NMRAL1: variants seen among roughly 807,000 people sequenced by gnomAD.
NMRAL1 encodes nmrA-like family domain-containing protein 1.
NMRAL1 carries 32 observed loss-of-function variants against 27.5 expected under a neutral mutation model. The ratio of observed to expected loss-of-function variants is 1.16; its 90% CI spans 0.88 to 1.56. The LOEUF (loss-of-function observed/expected upper bound fraction) is 1.56, where lower values mean the gene tolerates loss of function less well. Ranked by LOEUF, NMRAL1 falls within the 40% of genes most tolerant of loss-of-function variation. The probability of loss-of-function intolerance (pLI) is 0.00; values close to 1 mark genes in which losing one functional copy is unlikely to be tolerated. For synonymous variants in NMRAL1, 166 were observed against 166.8 expected (o/e 1.00, Z 0.04); for missense variants, 420 against 392.0 (o/e 1.07, Z -0.60).
At chr16:4,472,357 G>T (rs1413452889) in intron 2 of NMRAL1, among the ~76,000 whole-genome samples, 1 of 152,002 alleles carries the variant, frequency 6.6e-6, no homozygotes, top group Non-Finnish European at 1.5e-5. Context: ...CAGGAGAATT[G>T]CTTGAACCCG....
At chr16:4,474,949 T>A (rs2057773243), upstream of NMRAL1, 1 of 152,038 alleles carries the variant, frequency 6.6e-6, no homozygotes. Flanking sequence ...ACTTTTAAAA[T>A]TTTATTATTT....
intron 5 of NMRAL1, among the ~76,000 whole-genome samples, chr16:4,463,251 C>A (rs1240156592): frequency 1.3e-5 from 2 of 152,202 alleles, no homozygotes; most frequent in African/African-American, 4.8e-5. Context: ...GCCTCCTGCC[C>A]ACCCAGCCAG....
At chr16:4,472,581 T>G (rs1052432495) in intron 2 of NMRAL1, among the ~76,000 whole-genome samples, 1 of 151,832 alleles carries the variant, frequency 6.6e-6, no homozygotes, top group African/African-American at 2.4e-5. Context: ...CCATCTCTAT[T>G]AAAAATACAA....
At position 4,469,453 on chromosome 16, in the gene NMRAL1, C is replaced by T. The variant is rs754480501; in HGVS notation, c.53G>A (p.Gly18Asp). ...TTCCAGGAGTGTGCGGGCCACGGAG[C>T]CACCCTGGGCACCTACAAAGAATCA... The part of the protein sequence containing the change: ...VVFGGTGAQG[G>D]SVARTLLEDG... The change falls in exon 3 of 6, where the codon GGC (glycine) becomes GAC (aspartate). Residue 18 changes from glycine (G) to aspartate (D), a missense_variant. Physicochemically the swap from Gly to Asp is moderately conservative, Grantham distance 94. Transcript: ENST00000283429. 1.2e-6 allele frequency: 2 copies of T among 1,613,528 alleles called. No homozygotes were observed. The highest frequency in any genetic ancestry group is 2.2e-5 in the South Asian group (2 of 91,072).
intron 2 of NMRAL1, among the ~76,000 whole-genome samples, chr16:4,470,195 T>G (rs2141452669): frequency 1.5e-5 from 2 of 132,992 alleles, no homozygotes; most frequent in African/African-American, 2.9e-5. Context: ...AAGGGCCTGG[T>G]GCAGTGGCTC....
chr16:4,470,380 G>A (rs2057515612), intron 2 of NMRAL1, among the ~76,000 whole-genome samples: 1 of 151,872 alleles, frequency 6.6e-6, no homozygotes, highest in Non-Finnish European at 1.5e-5. Flanking sequence ...TGAGGCAGGA[G>A]AATCGCTTGA....
At chr16:4,467,769 A>C (rs2057384287) in intron 3 of NMRAL1, among the ~76,000 whole-genome samples, 1 of 148,734 alleles carries the variant, frequency 6.7e-6, no homozygotes. Context: ...ACAGGCGCCC[A>C]CCACCATGCC....
In NMRAL1 at chr16:4,463,696, G is replaced by C; in HGVS notation, c.684C>G (p.Leu228=). ...RHTAEEYAAL[L]TKHTRKVVHD... ...GCACGACCTTGCGGGTGTGCTTGGT[G>C]AGCAGGGCAGCGTACTCCTCGGCCG... The change falls in exon 5 of 6, where the codon CTC becomes CTG. Residue 228 remains leucine (L), a synonymous_variant. Coordinates refer to ENST00000283429, the MANE Select transcript of NMRAL1 (RefSeq NM_020677.6). 1 of 1,614,008 alleles carries C rather than the reference G, an allele frequency of 6.2e-7. No individual in the cohort carries two copies. The highest frequency in any genetic ancestry group is 8.5e-7 in the Non-Finnish European group (1 of 1,180,024).
chr16:4,469,972 GGCT>G (rs1447792987), intron 2 of NMRAL1, among the ~76,000 whole-genome samples: 1 of 151,444 alleles, frequency 6.6e-6, no homozygotes, highest in Non-Finnish European at 1.5e-5. Context: ...AGACCATCCT[GGCT>G]AACACAGTGA....
At chr16:4,464,353 G>C (rs2057231653) in intron 4 of NMRAL1, 1 of 157,678 alleles carries the variant, frequency 6.3e-6, no homozygotes. Flanking sequence ...TGATTAACCA[G>C]ACACCAACGG....
chr16:4,465,946 C>A (rs1220616711), intron 4 of NMRAL1, among the ~76,000 whole-genome samples: 2 of 152,166 alleles, frequency 1.3e-5, no homozygotes, highest in Non-Finnish European at 2.9e-5. Flanking sequence ...CAGATCTTGC[C>A]ACCCCTGCAA....
Position 4,468,948 on chromosome 16 carries a change from A to T in NMRAL1, c.279+279T>A, listed in dbSNP as rs539679505. On this transcript the variant is annotated intron_variant, in intron 3 of 5. Transcript: ENST00000283429. ...AAAATAAAAGTGGAAATTACTTTTTAAAAAAAACTTCTAACATTTTTGATT... is the reference window on the plus strand; with the variant it reads ...AAAATAAAAGTGGAAATTACTTTTTTAAAAAAACTTCTAACATTTTTGATT... Among the ~76,000 whole-genome samples, 51 of 147,682 alleles carry T rather than the reference A, an allele frequency of 3.5e-4. No individual in the cohort carries two copies. In the Middle Eastern group the frequency reaches 0.01, roughly 30 times the overall value.
chr16:4,475,557 C>G (rs2057797501), upstream of NMRAL1, among the ~76,000 whole-genome samples: 2 of 151,718 alleles, frequency 1.3e-5, no homozygotes, highest in South Asian at 4.2e-4. Context: ...AGTGATCTTC[C>G]CGCCTCAGGC....
chr16:4,473,009 T>G, intron 2 of NMRAL1, among the ~76,000 whole-genome samples: 1 of 142,130 alleles, frequency 7.0e-6, no homozygotes, highest in African/African-American at 2.7e-5. Context: ...CAGGTCTCAC[T>G]CTGTTGCCCA....
In NMRAL1 at chr16:4,463,729, G is replaced by C. The variant is rs763168428; in HGVS notation, c.651C>G (p.Cys217Trp). 8 of 1,614,054 alleles carry C rather than the reference G, an allele frequency of 5.0e-6. No homozygotes were observed. Among genetic ancestry groups the C allele is most frequent in the Non-Finnish European group, 6.8e-6 (8 of 1,180,016 alleles). The change falls in exon 5 of 6, where the codon TGC becomes TGG. Residue 217 changes from cysteine to tryptophan, a missense_variant. Coordinates refer to ENST00000283429, the MANE Select transcript of NMRAL1 (RefSeq NM_020677.6). Reference protein sequence around the residue: ...YVGQNIGLSTCRHTAEEYAAL... With the variant: ...YVGQNIGLSTWRHTAEEYAAL... ...CAGCGTACTCCTCGGCCGTGTGCCTGCAAGTGCTCAGCCCGATGTTCTGGC... is the reference window on the plus strand; with the variant it reads ...CAGCGTACTCCTCGGCCGTGTGCCTCCAAGTGCTCAGCCCGATGTTCTGGC...
At chr16:4,461,993 C>T (rs1481975828) in intron 5 of NMRAL1, 34 bp from the exon 6 acceptor site, 5 of 1,579,886 alleles carry the variant, frequency 3.2e-6, no homozygotes, top group Non-Finnish European at 3.4e-6. Context: ...GGCCGGCGTC[C>T]TCCAGTGCCC....
At chr16:4,468,570 C>G (rs1426526176) in intron 3 of NMRAL1, among the ~76,000 whole-genome samples, 1 of 150,380 alleles carries the variant, frequency 6.6e-6, no homozygotes, top group Admixed American at 6.6e-5. Context: ...GAGCCGAGAT[C>G]ACCCCACTGC....
Position 4,469,627 on chromosome 16 carries a change from T to C in NMRAL1, c.41-162A>G, listed in dbSNP as rs1324861547. 4 of 1,391,340 alleles carry C rather than the reference T, an allele frequency of 2.9e-6. No individual in the cohort carries two copies. The South Asian group carries it at 5.9e-5, about 21-fold the overall frequency. The allele number at this position is 1,391,340 out of a possible 1,614,324, so 86.2% of individuals were successfully genotyped here. On this transcript the variant is annotated intron_variant, in intron 2 of 5. Coordinates refer to ENST00000283429, the MANE Select transcript of NMRAL1 (RefSeq NM_020677.6). ...TTTTATTTTCTTTATTTTATTTTTT[T>C]GAGATGGAGTCTCACTCTATCACCC...
In NMRAL1 at chr16:4,471,029, C is replaced by T. The variant is rs139160607; in HGVS notation, c.41-1564G>A. ...GGCTGAGGCAGGAGAATCGCTTGAA[C>T]CAGGGTGGCAGAGGTTGCAGTGAGC... On this transcript the variant is annotated intron_variant, in intron 2 of 5. Coordinates refer to ENST00000283429, the MANE Select transcript of NMRAL1 (RefSeq NM_020677.6). Among the ~76,000 whole-genome samples the T allele has an allele frequency of 3.5e-3, 537 of 151,872 alleles. 1 individual carries two copies. The highest frequency in any genetic ancestry group is 0.012 in the African/African-American group (514 of 41,428).
Sources: allele counts gnomAD v4.1 joint callset (sites outside exome capture counted in the v4.1 genomes callset), GRCh38; gene constraint gnomAD v4.1.1; transcripts MANE v1.5; gene names NCBI Gene and HGNC (gene_info 2026-07-23, HGNC 2026-07-21).